Variants in EIF4E1B observed in about 807,000 individuals in gnomAD.
The protein encoded by EIF4E1B is eukaryotic translation initiation factor 4E type 1B.
Under a neutral mutation model 31.3 loss-of-function variants are expected in EIF4E1B, and 22 were observed. The ratio of observed to expected loss-of-function variants is 0.70; its 90% CI spans 0.50 to 1.00. The LOEUF (loss-of-function observed/expected upper bound fraction) is 1.00, where lower values mean the gene tolerates loss of function less well. EIF4E1B is among the 50% of genes least tolerant of loss of function. The pLI is 0.00. For synonymous variants in EIF4E1B, 126 were observed against 120.2 expected, an observed-to-expected ratio of 1.05 and a Z score of -0.31; for missense variants, 290 against 311.6, an observed-to-expected ratio of 0.93 and a Z score of 0.52.
intron 6 of EIF4E1B, 62 bp downstream of exon 6, chr5:176,644,501 C>A: frequency 1.3e-6 from 2 of 1,495,338 alleles, no homozygotes; most frequent in Non-Finnish European, 1.8e-6. Flanking sequence ...CTCCCGGACT[C>A]CACTGCGTTA....
At chr5:176,631,419 GTA>G (rs1418725934) in intron 1 of EIF4E1B, among the ~76,000 whole-genome samples, 2 of 152,146 alleles carry the variant, frequency 1.3e-5, no homozygotes, top group African/African-American at 4.8e-5. Context: ...AGAAGCTGTA[GTA>G]TCCCAGAGGA....
chr5:176,635,734 C>T (rs1165193330), intron 1 of EIF4E1B, among the ~76,000 whole-genome samples: 2 of 152,218 alleles, frequency 1.3e-5, no homozygotes, highest in Admixed American at 6.5e-5. Flanking sequence ...TGCTGCAGCT[C>T]CTGCCATCAT....
Position 176,638,303 on chromosome 5 carries a change from C to T in EIF4E1B, c.-201-3740C>T, listed in dbSNP as rs1760527431. Among the ~76,000 whole-genome samples, 2 of 152,164 alleles carry T rather than the reference C, an allele frequency of 1.3e-5. No homozygotes were observed. On this transcript the variant is annotated intron_variant, in intron 1 of 8. Coordinates refer to ENST00000318682, the MANE Select transcript of EIF4E1B (RefSeq NM_001099408.2). The surrounding 1 kb of genome is among the most constrained non-coding windows in gnomAD (Gnocchi z 4.3). The stretch of plus-strand genomic sequence containing the variant: ...AAACAGCAAGTACTGACAGAACAGA[C>T]AAGAGGTCCCAGGGCTTAGTCCTAG...
At chr5:176,639,756 C>T (rs1760546103) in intron 1 of EIF4E1B, among the ~76,000 whole-genome samples, 1 of 151,694 alleles carries the variant, frequency 6.6e-6, no homozygotes, top group South Asian at 2.1e-4. Context: ...GACCTCATCT[C>T]TATTTTTTTT....
chr5:176,632,775 T>C (rs1166246224), intron 1 of EIF4E1B, among the ~76,000 whole-genome samples: 2 of 152,180 alleles, frequency 1.3e-5, no homozygotes, highest in Non-Finnish European at 2.9e-5. Flanking sequence ...AATTGCCCCC[T>C]TCCCATGTTT....
Position 176,643,622 on chromosome 5 carries a change from C to T in EIF4E1B, c.201-17C>T, listed in dbSNP as rs1200280609. ...GCTCTCTGCTTCCTCCTGGCTGCCT[C>T]CCCCTTCCCCTACCAGGTGGGCTCT... is the stretch of plus-strand genomic sequence containing the variant. On this transcript the variant is annotated splice_polypyrimidine_tract_variant and intron_variant, in intron 4 of 8. Coordinates refer to ENST00000318682, the MANE Select transcript of EIF4E1B (RefSeq NM_001099408.2). 2 of 1,592,490 alleles carry T rather than the reference C, an allele frequency of 1.3e-6. No individual in the cohort carries two copies.
intron 5 of EIF4E1B, 146 bp from the exon 6 acceptor site, chr5:176,644,230 C>T (rs997957428): frequency 2.2e-5 from 17 of 784,316 alleles, no homozygotes; most frequent in Middle Eastern, 3.4e-4. Flanking sequence ...TTTGGATAAA[C>T]GGGAGTGGAA....
At position 176,645,801 on chromosome 5, in the gene EIF4E1B, G is replaced by GT; in HGVS notation, c.615-63dup. 7.1e-7 allele frequency: 1 copy of GT among 1,405,022 alleles called. No homozygotes were observed. Among genetic ancestry groups the GT allele is most frequent in the Non-Finnish European group, 9.6e-7 (1 of 1,041,082 alleles). The allele number at this position is 1,405,022 out of a possible 1,614,324, so 87.0% of individuals were successfully genotyped here. Reference sequence around the variant, plus strand: ...TGAGGGTAGGAGTCTGGTGGCCTAAGTTATCTCTAGGACCCTCTGATGACT... The same window carrying GT: ...TGAGGGTAGGAGTCTGGTGGCCTAAGTTTATCTCTAGGACCCTCTGATGACT... On this transcript the variant is annotated intron_variant, in intron 8 of 8. Transcript: ENST00000318682. The surrounding 1 kb of genome is among the most constrained non-coding windows in gnomAD (Gnocchi z 5.4).
Position 176,646,294 on chromosome 5 carries a change from G to A in EIF4E1B, c.*314G>A, listed in dbSNP as rs546543292. 1.8e-5 allele frequency: 5 copies of A among 284,550 alleles called. No individual in the cohort carries two copies. In the Admixed American group the frequency reaches 2.2e-4, roughly 12 times the overall value. 17.6% of individuals were successfully genotyped at this position (284,550 alleles called of 1,614,324 possible). On this transcript the variant is annotated 3_prime_UTR_variant, in exon 9 of 9. Transcript: ENST00000318682. Reference sequence around the variant, plus strand: ...TAGGCGGAGAAACCCATAGTCCAGCGTTTACTGTTTCCACCCAGGAAGGAG... The same window carrying A: ...TAGGCGGAGAAACCCATAGTCCAGCATTTACTGTTTCCACCCAGGAAGGAG...
chr5:176,632,369 C>T (rs987407625), intron 1 of EIF4E1B, among the ~76,000 whole-genome samples: 1 of 152,230 alleles, frequency 6.6e-6, no homozygotes, highest in African/African-American at 2.4e-5. Flanking sequence ...AATTCTCCTG[C>T]CTCAGCCTCC....
Position 176,645,282 on chromosome 5 carries a change from G to A in EIF4E1B, c.474+39G>A. Reference sequence around the variant, plus strand: ...GGAGGGTCCTCAGGGGAAGAGACGGGCTGTGTGGGTCTCATGGTGGCAGTG... The same window carrying A: ...GGAGGGTCCTCAGGGGAAGAGACGGACTGTGTGGGTCTCATGGTGGCAGTG... On this transcript the variant is annotated intron_variant, in intron 7 of 8. Coordinates refer to ENST00000318682, the MANE Select transcript of EIF4E1B (RefSeq NM_001099408.2). This position sits in a 1 kb window ranked among gnomAD's most constrained non-coding sequence, Gnocchi z 5.4. 4 of 1,599,830 alleles carry A rather than the reference G, an allele frequency of 2.5e-6. No homozygotes were observed. Among genetic ancestry groups the A allele is most frequent in the Non-Finnish European group, 3.4e-6 (4 of 1,170,810 alleles).
At chr5:176,634,069 G>C (rs754219897) in intron 1 of EIF4E1B, among the ~76,000 whole-genome samples, 2 of 151,984 alleles carry the variant, frequency 1.3e-5, no homozygotes, top group African/African-American at 2.4e-5. Flanking sequence ...AGTTGAGGAA[G>C]ATTCCCAGGT....
At chr5:176,642,865 C>CCTGCCCG in intron 3 of EIF4E1B, 63 bp downstream of exon 3, 3 of 1,169,742 alleles carry the variant, frequency 2.6e-6, no homozygotes, top group Non-Finnish European at 2.2e-6. Flanking sequence ...CCCCCCCCCC[C>CCTGCCCG]GCCCCAGGTG....
In EIF4E1B at chr5:176,642,755, G is replaced by A. The variant is rs371300385; in HGVS notation, c.-33G>A. The A allele has an allele frequency of 6.4e-7, 1 of 1,554,660 alleles. No individual in the cohort carries two copies. The highest frequency in any genetic ancestry group is 8.7e-7 in the Non-Finnish European group (1 of 1,149,936). ...GGGCTTGGTCACAGCTGCTTCCCCA[G>A]CCCCAGGCCTGCACGAAGAAGGCAC... On this transcript the variant is annotated 5_prime_UTR_variant, in exon 3 of 9. Coordinates refer to ENST00000318682, the MANE Select transcript of EIF4E1B (RefSeq NM_001099408.2).
At chr5:176,636,292 T>C (rs1561908630) in intron 1 of EIF4E1B, among the ~76,000 whole-genome samples, 2 of 152,232 alleles carry the variant, frequency 1.3e-5, no homozygotes, top group East Asian at 3.8e-4. Context: ...CTCGTGGGCC[T>C]CCAGTGGCCA....
At chr5:176,642,866 G>GCCCGT in intron 3 of EIF4E1B, 64 bp downstream of exon 3, 1 of 501,542 alleles carries the variant, frequency 2.0e-6, no homozygotes, top group Non-Finnish European at 2.8e-6. Flanking sequence ...CCCCCCCCCC[G>GCCCGT]CCCCAGGTGG....
chr5:176,643,355 C>G, intron 4 of EIF4E1B, 89 bp downstream of exon 4: 1 of 1,460,888 alleles, frequency 6.8e-7, no homozygotes, highest in Non-Finnish European at 9.3e-7. Flanking sequence ...CCCCGCCTCT[C>G]TTGGCCCTAG....
intron 1 of EIF4E1B, chr5:176,641,558 GAC>G (rs1390100688): frequency 6.6e-6 from 1 of 152,136 alleles, no homozygotes; most frequent in African/African-American, 2.4e-5. Context: ...TGTTTGTGAC[GAC>G]ACAGATTGTC....
At chr5:176,641,222 G>C (rs923560409) in intron 1 of EIF4E1B, among the ~76,000 whole-genome samples, 2 of 152,136 alleles carry the variant, frequency 1.3e-5, no homozygotes, top group Admixed American at 6.5e-5. Context: ...CCAGCTACTC[G>C]GGAGGCTGAG....
Sources: gnomAD v4.1 joint callset for allele counts (sites outside exome capture counted in the v4.1 genomes callset) on GRCh38, gnomAD v4.1.1 for gene constraint, Gnocchi (gnomAD v3.1) non-coding constraint, MANE v1.5 for transcripts, NCBI Gene and HGNC (gene_info 2026-07-23, HGNC 2026-07-21) for gene names.